FAM124B: variants seen among roughly 807,000 people sequenced by gnomAD.
FAM124B encodes the protein family with sequence similarity 124 member B, also known as protein FAM124B.
A neutral mutation model predicts 19.7 loss-of-function variants in FAM124B; 18 were observed. The ratio of observed to expected loss-of-function variants is 0.92; its 90% CI spans 0.63 to 1.36. The LOEUF is 1.36. Ranked by LOEUF, FAM124B falls within the 40% of genes most tolerant of loss-of-function variation. The pLI, the probability that FAM124B is intolerant of heterozygous loss-of-function variation, is 0.00. For synonymous variants in FAM124B, 223 were observed against 225.2 expected (o/e 0.99, Z 0.09); for missense variants, 540 against 553.3 (o/e 0.98, Z 0.24).
rs940060647 is a variant in FAM124B at position 224,379,477 on chromosome 2, T to C, written c.*96A>G. 9.1e-6 allele frequency: 13 copies of C among 1,423,646 alleles called. No homozygotes were observed. In the African/African-American group the frequency reaches 1.7e-4, roughly 19 times the overall value. 88.2% of individuals were successfully genotyped at this position (1,423,646 alleles called of 1,614,324 possible). The stretch of plus-strand genomic sequence containing the variant: ...GTGCATGGGGAGCATTCAGCCCCCC[T>C]CAGATGAACAACTAACAGGCTGATT... On this transcript the variant is annotated 3_prime_UTR_variant, in exon 2 of 2. Coordinates refer to ENST00000409685, the MANE Select transcript of FAM124B (RefSeq NM_001122779.2).
At chr2:224,396,691 C>T (rs1396653007) in intron 1 of FAM124B, among the ~76,000 whole-genome samples, 1 of 152,204 alleles carries the variant, frequency 6.6e-6, no homozygotes. Context: ...TGCCTCGGGG[C>T]TAAACTGATC....
intron 1 of FAM124B, among the ~76,000 whole-genome samples, chr2:224,387,606 C>T (rs1349971130): frequency 6.6e-6 from 1 of 152,132 alleles, no homozygotes; most frequent in Non-Finnish European, 1.5e-5. Context: ...CCACCAATGG[C>T]AACATGCTCT....
At chr2:224,388,030 G>A (rs983340319) in intron 1 of FAM124B, among the ~76,000 whole-genome samples, 5 of 152,152 alleles carry the variant, frequency 3.3e-5, no homozygotes, top group African/African-American at 1.2e-4. Context: ...CTGAAAACAG[G>A]TAGTCAGTCA....
chr2:224,399,602 T>C (rs1690029692), intron 1 of FAM124B: 1 of 152,200 alleles, frequency 6.6e-6, no homozygotes, highest in African/African-American at 2.4e-5. Context: ...CTTGCACATT[T>C]ACACACATAC....
intron 1 of FAM124B, among the ~76,000 whole-genome samples, chr2:224,390,097 C>T (rs1424796849): frequency 7.1e-6 from 1 of 140,606 alleles, no homozygotes; most frequent in Non-Finnish European, 1.5e-5. Context: ...GAGGAAAAAA[C>T]AGTTGAGTCT....
At chr2:224,390,618 C>A (rs1430432769) in intron 1 of FAM124B, among the ~76,000 whole-genome samples, 1 of 151,742 alleles carries the variant, frequency 6.6e-6, no homozygotes. Context: ...CACCAGCGGG[C>A]GTGAACATAC....
At chr2:224,385,015 C>T (rs891953148) in intron 1 of FAM124B, among the ~76,000 whole-genome samples, 3 of 152,152 alleles carry the variant, frequency 2.0e-5, no homozygotes, top group Non-Finnish European at 1.5e-5. Flanking sequence ...TCTTTCCCTC[C>T]AGGTTTCTCT....
At chr2:224,396,359 C>T (rs1173216671) in intron 1 of FAM124B, among the ~76,000 whole-genome samples, 2 of 152,124 alleles carry the variant, frequency 1.3e-5, no homozygotes, top group African/African-American at 4.8e-5. Flanking sequence ...TCCTCCTGGG[C>T]CACCCAGCTC....
intron 1 of FAM124B, chr2:224,399,782 T>A (rs1690032439): frequency 6.6e-6 from 1 of 152,228 alleles, no homozygotes; most frequent in Non-Finnish European, 1.5e-5. Flanking sequence ...TTTAAGAGAA[T>A]CCTTAGTATA....
At chr2:224,386,505 C>T (rs557333855) in intron 1 of FAM124B, among the ~76,000 whole-genome samples, 148 of 152,304 alleles carry the variant, frequency 9.7e-4, no homozygotes, top group African/African-American at 3.4e-3. Flanking sequence ...GTGCTAACAT[C>T]ATAGAGTTGC....
intron 1 of FAM124B, among the ~76,000 whole-genome samples, chr2:224,391,982 C>T (rs1340353754): frequency 6.6e-6 from 1 of 152,136 alleles, no homozygotes; most frequent in Non-Finnish European, 1.5e-5. Context: ...CTTTTTTTAG[C>T]AATCTGACTT....
intron 1 of FAM124B, among the ~76,000 whole-genome samples, chr2:224,391,033 AAG>A (rs1689878965): frequency 6.7e-6 from 1 of 150,200 alleles, no homozygotes; most frequent in South Asian, 2.1e-4. Context: ...GAAGCTGGAA[AAG>A]AGTCTCTAAT....
intron 1 of FAM124B, among the ~76,000 whole-genome samples, chr2:224,396,595 G>T (rs556844828): frequency 1.3e-5 from 2 of 152,208 alleles, no homozygotes; most frequent in South Asian, 4.1e-4. Flanking sequence ...TGTCTCCTCC[G>T]CCCTGATCTT....
At chr2:224,394,419 T>A (rs1009352002) in intron 1 of FAM124B, among the ~76,000 whole-genome samples, 1 of 152,116 alleles carries the variant, frequency 6.6e-6, no homozygotes, top group Non-Finnish European at 1.5e-5. Flanking sequence ...CATGTCCAAT[T>A]ACTGCCAAAT....
intron 1 of FAM124B, among the ~76,000 whole-genome samples, chr2:224,395,732 C>T (rs138144205): frequency 2.1e-3 from 324 of 152,260 alleles, no homozygotes; most frequent in African/African-American, 7.4e-3. Context: ...ATGCTCATAT[C>T]GCTGTCATCA....
rs1337661371 is a variant in FAM124B, at chr2:224,378,918, A to G, written c.*655T>C. 2.0e-5 allele frequency: 3 copies of G among 152,336 alleles called. No individual in the cohort carries two copies. Among genetic ancestry groups the G allele is most frequent in the African/African-American group, 7.2e-5 (3 of 41,466 alleles). 9.4% of individuals were successfully genotyped at this position (152,336 alleles called of 1,614,324 possible). ...CATAGTGCAGAAACAAATGAGAAGCAGATGAGCAGGAAAGCCCTAGAGCCT... is the reference window on the plus strand; with the variant it reads ...CATAGTGCAGAAACAAATGAGAAGCGGATGAGCAGGAAAGCCCTAGAGCCT... On this transcript the variant is annotated 3_prime_UTR_variant, in exon 2 of 2. Coordinates refer to ENST00000409685, the MANE Select transcript of FAM124B (RefSeq NM_001122779.2).
At chr2:224,385,980 C>T (rs566587288) in intron 1 of FAM124B, among the ~76,000 whole-genome samples, 1 of 152,322 alleles carries the variant, frequency 6.6e-6, no homozygotes, top group African/African-American at 2.4e-5. Context: ...CCATTCTCCA[C>T]TCCCCTGCCA....
At chr2:224,388,022 G>A (rs1423756684) in intron 1 of FAM124B, among the ~76,000 whole-genome samples, 2 of 152,158 alleles carry the variant, frequency 1.3e-5, no homozygotes, top group African/African-American at 4.8e-5. Context: ...CTTATTTCCT[G>A]AAAACAGGTA....
intron 1 of FAM124B, among the ~76,000 whole-genome samples, chr2:224,387,904 T>C (rs1234969546): frequency 5.3e-5 from 8 of 152,168 alleles, no homozygotes; most frequent in African/African-American, 9.6e-5. Flanking sequence ...AAATGGCTAA[T>C]AAAGAAAAAG....
Sources: gnomAD v4.1 joint callset for allele counts (sites outside exome capture counted in the v4.1 genomes callset) on GRCh38, gnomAD v4.1.1 for gene constraint, MANE v1.5 for transcripts, NCBI Gene and HGNC (gene_info 2026-07-23, HGNC 2026-07-21) for gene names.